Variants in VPS13A observed in about 807,000 individuals in gnomAD.
VPS13A encodes the protein vacuolar protein sorting 13 homolog A, also known as intermembrane lipid transfer protein VPS13A.
In VPS13A, 264 loss-of-function variants were observed where a neutral mutation model predicts 390.9. That is an observed-to-expected ratio of 0.68 (90% CI 0.61 to 0.75). VPS13A has a LOEUF of 0.75. Among genes scored for constraint, VPS13A ranks in the 30% least tolerant of loss-of-function variants. The pLI, the probability that VPS13A is intolerant of heterozygous loss-of-function variation, is 0.00. For missense variants in VPS13A, 3,409 were observed against 3,733.9 expected (o/e 0.91, Z 2.27); for synonymous variants, 1,231 against 1,227.1 (o/e 1.00, Z -0.07).
chr9:77,292,753 C>T (rs1827752926), intron 31 of VPS13A, among the ~76,000 whole-genome samples: 1 of 152,144 alleles, frequency 6.6e-6, no homozygotes, highest in African/African-American at 2.4e-5. Context: ...TAACATTTTA[C>T]ATCTCCTGTT....
chr9:77,297,412 T>TC (rs1327870798), intron 33 of VPS13A, among the ~76,000 whole-genome samples: 1 of 151,896 alleles, frequency 6.6e-6, no homozygotes, highest in Non-Finnish European at 1.5e-5. Flanking sequence ...TTCCCCTGGG[T>TC]CCCCCCTCCC....
intron 71 of VPS13A, among the ~76,000 whole-genome samples, chr9:77,415,696 C>T (rs1444012821): frequency 2.0e-5 from 3 of 152,110 alleles, no homozygotes; most frequent in Non-Finnish European, 4.4e-5. Flanking sequence ...CAGGCTGGCT[C>T]ATTTCACTTA....
intron 1 of VPS13A, among the ~76,000 whole-genome samples, chr9:77,191,462 A>AT (rs977880487): frequency 1.6e-4 from 24 of 151,074 alleles, no homozygotes; most frequent in African/African-American, 2.9e-4. Context: ...CACCTGGCTA[A>AT]TTTTTTTTGT....
At chr9:77,329,504 A>G (rs1451194824) in intron 45 of VPS13A, among the ~76,000 whole-genome samples, 1 of 152,212 alleles carries the variant, frequency 6.6e-6, no homozygotes, top group East Asian at 1.9e-4. Context: ...TTCAGAGAAT[A>G]GGGAGGTCCG....
rs1007617549 is a variant in VPS13A, at chr9:77,421,478, G to C, written c.*5472G>C. On this transcript the variant is annotated 3_prime_UTR_variant, in exon 72 of 72. Transcript: ENST00000360280. ...GGTATTGGTAGATTTGGATTGCATG[G>C]TAAGATGACTGCCCATTTTCACCAT... 1 of 152,070 alleles carries C rather than the reference G, an allele frequency of 6.6e-6. No individual in the cohort carries two copies. Among genetic ancestry groups the C allele is most frequent in the Non-Finnish European group, 1.5e-5 (1 of 68,028 alleles). The allele number at this position is 152,070 out of a possible 1,614,324, so 9.4% of individuals were successfully genotyped here.
At chr9:77,283,237 A>C (rs925590995) in intron 29 of VPS13A, 118 bp from the exon 30 acceptor site, 42 of 646,226 alleles carry the variant, frequency 6.5e-5, no homozygotes, top group Non-Finnish European at 9.9e-5. Context: ...ACTGAATTGC[A>C]GATCAGGTTT....
chr9:77,216,978 T>C (rs1324624088), intron 10 of VPS13A, among the ~76,000 whole-genome samples: 2 of 152,186 alleles, frequency 1.3e-5, no homozygotes, highest in East Asian at 1.9e-4. Context: ...CCCACCCAGA[T>C]TGAGGGTGGG....
chr9:77,273,049 A>T (rs573498295), intron 23 of VPS13A, among the ~76,000 whole-genome samples: 2 of 152,210 alleles, frequency 1.3e-5, no homozygotes, highest in African/African-American at 4.8e-5. Flanking sequence ...CATCAAGGAC[A>T]TTATTAAAAC....
intron 24 of VPS13A, among the ~76,000 whole-genome samples, chr9:77,274,095 C>A (rs1826501154): frequency 1.3e-5 from 2 of 152,066 alleles, no homozygotes; most frequent in South Asian, 4.1e-4. Flanking sequence ...CTTAAAGTTG[C>A]TTTTGCAATG....
At position 77,360,648 on chromosome 9, in the gene VPS13A, CT is replaced by C. The variant is rs752070804; in HGVS notation, c.8211+9del. On this transcript the variant is annotated splice_region_variant and intron_variant, in intron 59 of 71. Transcript: ENST00000360280. ...GGTGACTGAAAATACAGAGGTAAGA[CT>C]TAAAATAATAACATTTGATGGAAAG... is the stretch of plus-strand genomic sequence containing the variant. 3.0e-5 allele frequency: 48 copies of C among 1,580,562 alleles called. 2 individuals carry two copies. The South Asian group carries it at 5.1e-4, about 17-fold the overall frequency.
intron 10 of VPS13A, among the ~76,000 whole-genome samples, chr9:77,217,659 G>T (rs1306389988): frequency 6.6e-6 from 1 of 152,120 alleles, no homozygotes; most frequent in Non-Finnish European, 1.5e-5. Context: ...TTTTTTGGCT[G>T]AAAAGTATTC....
At chr9:77,280,796 T>G (rs1826972055) in intron 27 of VPS13A, among the ~76,000 whole-genome samples, 1 of 152,194 alleles carries the variant, frequency 6.6e-6, no homozygotes, top group Admixed American at 6.5e-5. Context: ...TTAATCACTT[T>G]AAAACCATTT....
intron 19 of VPS13A, among the ~76,000 whole-genome samples, chr9:77,243,726 C>G (rs563035961): frequency 7.2e-5 from 11 of 152,014 alleles, no homozygotes; most frequent in Non-Finnish European, 1.6e-4. Context: ...TAGCAATGAT[C>G]AGAATGGATG....
chr9:77,401,490 C>G (rs998680983), intron 68 of VPS13A, among the ~76,000 whole-genome samples: 5 of 152,088 alleles, frequency 3.3e-5, no homozygotes, highest in East Asian at 1.9e-4. Flanking sequence ...AGTGGTATGG[C>G]TTTTATCACC....
chr9:77,319,731 A>G, intron 42 of VPS13A, 58 bp downstream of exon 42: 1 of 999,270 alleles, frequency 1.0e-6, no homozygotes. Flanking sequence ...AAAAGACTTT[A>G]TTTTTTTAAG....
chr9:77,190,248 A>G (rs1824593943), intron 1 of VPS13A, among the ~76,000 whole-genome samples: 1 of 152,092 alleles, frequency 6.6e-6, no homozygotes. Context: ...GATGGCTCTT[A>G]TTATTTCCAG....
intron 70 of VPS13A, 31 bp downstream of exon 70, chr9:77,406,018 T>A (rs768736950): frequency 1.2e-6 from 2 of 1,611,894 alleles, no homozygotes; most frequent in African/African-American, 2.7e-5. Context: ...TTTTGAAAAC[T>A]TGGAACTGAA....
intron 46 of VPS13A, 84 bp from the exon 47 acceptor site, chr9:77,337,171 G>A (rs1211492069): frequency 1.5e-6 from 2 of 1,306,436 alleles, no homozygotes; most frequent in Admixed American, 4.6e-5. Context: ...AAGGAGGTAA[G>A]TTTGTTATTC....
chr9:77,200,819 T>C (rs140001900), intron 2 of VPS13A, among the ~76,000 whole-genome samples: 18 of 152,330 alleles, frequency 1.2e-4, no homozygotes, highest in Non-Finnish European at 2.1e-4. Context: ...CTAAGAGTTG[T>C]ATAGTTTTAG....
Sources: gnomAD v4.1 joint callset for allele counts (sites outside exome capture counted in the v4.1 genomes callset) on GRCh38, gnomAD v4.1.1 for gene constraint, MANE v1.5 for transcripts, NCBI Gene and HGNC (gene_info 2026-07-23, HGNC 2026-07-21) for gene names.